The following RGS6 variants were observed in gnomAD, a reference collection of about 807,000 sequenced individuals.
RGS6 encodes the protein regulator of G-protein signaling 6.
RGS6 carries 30 observed loss-of-function variants against 78.5 expected under a neutral mutation model. The ratio of observed to expected loss-of-function variants is 0.38; its 90% confidence interval spans 0.29 to 0.52. The LOEUF (loss-of-function observed/expected upper bound fraction) is 0.52. Ranked by LOEUF, RGS6 falls within the 20% of genes least tolerant of loss-of-function variation. The pLI is 0.85. For missense variants in RGS6, 495 were observed against 609.7 expected (o/e 0.81, Z 1.98); for synonymous variants, 206 against 206.0 (o/e 1.00, Z 0.00).
intron 2 of RGS6, among the ~76,000 whole-genome samples, chr14:72,010,232 A>G (rs970411653): frequency 2.3e-4 from 35 of 152,324 alleles, no homozygotes; most frequent in African/African-American, 8.2e-4. Flanking sequence ...CTTATAAGAT[A>G]TTAATATTTC....
At chr14:72,206,452 G>A (rs79614278) in intron 2 of RGS6, among the ~76,000 whole-genome samples, 12,199 of 152,106 alleles carry the variant, frequency 0.08, 1,263 homozygotes, top group African/African-American at 0.24. Flanking sequence ...TATAATTTCT[G>A]TGTGTATGCA....
intron 2 of RGS6, among the ~76,000 whole-genome samples, chr14:72,062,016 C>G (rs912439504): frequency 3.3e-5 from 5 of 152,074 alleles, no homozygotes; most frequent in African/African-American, 9.7e-5. Flanking sequence ...AATAAGCAAA[C>G]AAAGAAAGGT....
At chr14:72,119,122 G>A (rs2095983537) in intron 2 of RGS6, among the ~76,000 whole-genome samples, 1 of 152,114 alleles carries the variant, frequency 6.6e-6, no homozygotes, top group Non-Finnish European at 1.5e-5. Flanking sequence ...ATTGGGGGAG[G>A]TGGTTTAAGG....
chr14:72,508,561 CCTT>C (rs1760646215), intron 13 of RGS6, among the ~76,000 whole-genome samples: 3 of 92,642 alleles, frequency 3.2e-5, no homozygotes, highest in African/African-American at 8.2e-5. Context: ...CACACAAGCT[CCTT>C]TTTTTTTTTT....
chr14:72,462,133 T>G (rs2095797830), intron 6 of RGS6, among the ~76,000 whole-genome samples: 1 of 152,158 alleles, frequency 6.6e-6, no homozygotes, highest in Non-Finnish European at 1.5e-5. Flanking sequence ...TGACAAACGT[T>G]TACTGGTCCC....
intron 2 of RGS6, among the ~76,000 whole-genome samples, chr14:71,985,424 C>A (rs2094662921): frequency 6.6e-6 from 1 of 152,180 alleles, no homozygotes; most frequent in Non-Finnish European, 1.5e-5. Flanking sequence ...ACCTGGCTAT[C>A]ATAGTTTTAA....
intron 4 of RGS6, 117 bp from the exon 5 acceptor site, chr14:72,458,154 G>T: frequency 1.3e-6 from 1 of 743,038 alleles, no homozygotes; most frequent in Non-Finnish European, 2.2e-6. Flanking sequence ...AAGGGCAATT[G>T]TATCATCAAC....
chr14:72,411,177 C>T (rs1258832443), intron 3 of RGS6, among the ~76,000 whole-genome samples: 9 of 152,260 alleles, frequency 5.9e-5, no homozygotes, highest in African/African-American at 9.6e-5. Context: ...GCCATTTTCA[C>T]GATATTGATT....
At chr14:72,234,239 T>C (rs947597817) in intron 2 of RGS6, among the ~76,000 whole-genome samples, 2 of 151,988 alleles carry the variant, frequency 1.3e-5, no homozygotes, top group Non-Finnish European at 1.5e-5. Flanking sequence ...ACATAGTGAC[T>C]GTACCTCAGA....
At chr14:72,199,482 A>G (rs935310963) in intron 2 of RGS6, among the ~76,000 whole-genome samples, 1 of 152,212 alleles carries the variant, frequency 6.6e-6, no homozygotes, top group Admixed American at 6.5e-5. Flanking sequence ...GAAAGAGTCT[A>G]TGCATTATTC....
chr14:71,909,066 G>GT, the RGS6 span, among the ~76,000 whole-genome samples: 1 of 152,128 alleles, frequency 6.6e-6, no homozygotes, highest in African/African-American at 2.4e-5. Flanking sequence ...AGTGGGCTTA[G>GT]GTTGAAGGAT....
At chr14:72,618,280 T>A in the RGS6 span, among the ~76,000 whole-genome samples, 1 of 152,204 alleles carries the variant, frequency 6.6e-6, no homozygotes, top group Admixed American at 6.5e-5. Flanking sequence ...AAGAAATTAC[T>A]TGGAAAAAGG....
At chr14:72,426,577 G>T (rs929142167) in intron 3 of RGS6, among the ~76,000 whole-genome samples, 1 of 152,250 alleles carries the variant, frequency 6.6e-6, no homozygotes, top group Admixed American at 6.5e-5. Flanking sequence ...TCCCAAGGTT[G>T]TACACAGTAA....
chr14:72,023,660 G>A (rs1431606342), intron 2 of RGS6, among the ~76,000 whole-genome samples: 1 of 152,192 alleles, frequency 6.6e-6, no homozygotes, highest in East Asian at 1.9e-4. Flanking sequence ...TGAGTCATGA[G>A]GAAACAGCTA....
chr14:72,037,001 T>G (rs1290056150), intron 2 of RGS6, among the ~76,000 whole-genome samples: 1 of 152,096 alleles, frequency 6.6e-6, no homozygotes, highest in Admixed American at 6.5e-5. Flanking sequence ...TGGAGAACTT[T>G]CCTGTGTCTA....
chr14:72,064,167 C>T (rs1281027013), intron 2 of RGS6, among the ~76,000 whole-genome samples: 1 of 151,786 alleles, frequency 6.6e-6, no homozygotes, highest in Admixed American at 6.6e-5. Flanking sequence ...GTGCCAAAGG[C>T]CAGGCTGGAA....
intron 16 of RGS6, among the ~76,000 whole-genome samples, chr14:72,539,750 G>T (rs1195368023): frequency 2.0e-5 from 3 of 152,204 alleles, no homozygotes; most frequent in Non-Finnish European, 4.4e-5. Context: ...AGTCATGATG[G>T]TTCTGATCCA....
chr14:72,411,885 G>A (rs1413087515), intron 3 of RGS6, among the ~76,000 whole-genome samples: 1 of 152,178 alleles, frequency 6.6e-6, no homozygotes, highest in Non-Finnish European at 1.5e-5. Flanking sequence ...ATTTTCGTAT[G>A]TTGAACCAGC....
At chr14:72,435,168 T>C (rs2094843246) in intron 3 of RGS6, among the ~76,000 whole-genome samples, 2 of 152,352 alleles carry the variant, frequency 1.3e-5, no homozygotes, top group South Asian at 4.2e-4. Flanking sequence ...TTGAATCAGT[T>C]GCCACAGTAC....
Sources: gnomAD v4.1 joint callset for allele counts (sites outside exome capture counted in the v4.1 genomes callset) on GRCh38, gnomAD v4.1.1 for gene constraint, MANE v1.5 for transcripts, NCBI Gene and HGNC (gene_info 2026-07-23, HGNC 2026-07-21) for gene names.